ANKRD30BL: variants seen among roughly 807,000 people sequenced by gnomAD.
ANKRD30BL encodes the protein putative ankyrin repeat domain-containing protein 30B-like.
In ANKRD30BL, 20 loss-of-function variants were observed where a neutral mutation model predicts 18.4. The ratio of observed to expected loss-of-function variants is 1.09; its 90% CI spans 0.77 to 1.58. The LOEUF is 1.58. ANKRD30BL is among the 40% of genes most tolerant of loss of function. The pLI is 0.00. For missense variants in ANKRD30BL, 224 were observed against 268.6 expected (o/e 0.83, Z 1.16); for synonymous variants, 72 against 100.9 (o/e 0.71, Z 1.72).
At chr2:132,222,679 C>T (rs1267257925) in intron 1 of ANKRD30BL, among the ~76,000 whole-genome samples, 2 of 151,656 alleles carry the variant, frequency 1.3e-5, no homozygotes, top group Non-Finnish European at 2.9e-5. Context: ...ATCTTAAGTA[C>T]CCAGGGACAC....
At chr2:132,255,668 G>T in intron 1 of ANKRD30BL, among the ~76,000 whole-genome samples, 1 of 152,086 alleles carries the variant, frequency 6.6e-6, no homozygotes, top group East Asian at 1.9e-4. Flanking sequence ...GTCCTGTATT[G>T]TTATTTTTCG....
rs1163750064 is a variant in ANKRD30BL at position 132,221,544 on chromosome 2, TG to T, written n.441+35984del. 1.0e-3 allele frequency among the ~76,000 whole-genome samples: 91 copies of T among 90,502 alleles called. 1 individual carries two copies. The highest frequency in any genetic ancestry group is 1.7e-3 in the Non-Finnish European group (78 of 46,356). The allele number at this position is 90,502 out of a possible 152,430, so 59.4% of individuals were successfully genotyped here. A position where few individuals can be genotyped will look rare whatever the true frequency, so the allele number is the denominator to read the frequency against. On this transcript the variant is annotated intron_variant and non_coding_transcript_variant, in intron 1 of 4. Coordinates refer to the ANKRD30BL transcript ENST00000470729. ...CCAGCCACCCCGTCCGGGAGGGAGG[TG>T]GGGGGGTCAGCCCCCCGCCCGGCCA...
intron 1 of ANKRD30BL, among the ~76,000 whole-genome samples, chr2:132,174,053 G>A (rs943010477): frequency 9.2e-5 from 14 of 152,144 alleles, no homozygotes; most frequent in Non-Finnish European, 1.8e-4. Flanking sequence ...CTCTCCCAAC[G>A]AACATAACTA....
intron 1 of ANKRD30BL, among the ~76,000 whole-genome samples, chr2:132,183,289 G>A (rs1364281463): frequency 1.3e-5 from 2 of 151,944 alleles, no homozygotes; most frequent in Non-Finnish European, 2.9e-5. Flanking sequence ...GTGCCATCAT[G>A]CCCAGCTAAT....
chr2:132,181,581 A>G (rs1284045193), intron 1 of ANKRD30BL, among the ~76,000 whole-genome samples: 6 of 152,232 alleles, frequency 3.9e-5, no homozygotes, highest in African/African-American at 1.4e-4. Flanking sequence ...TATAAGAGAC[A>G]AAGTCAAAAG....
At chr2:132,160,401 C>CAT (rs1553469820) in intron 1 of ANKRD30BL, among the ~76,000 whole-genome samples, 5 of 97,574 alleles carry the variant, frequency 5.1e-5, no homozygotes, top group African/African-American at 2.2e-4. Context: ...ACGCCTGGCC[C>CAT]TTTTTTTTTT....
At chr2:132,198,616 C>A (rs1167095071) in intron 1 of ANKRD30BL, among the ~76,000 whole-genome samples, 1 of 151,094 alleles carries the variant, frequency 6.6e-6, no homozygotes, top group African/African-American at 2.4e-5. Flanking sequence ...AGCCACAGCG[C>A]CCAGCCTTTT....
At chr2:132,234,560 T>A (rs1680102864) in intron 1 of ANKRD30BL, among the ~76,000 whole-genome samples, 1 of 152,058 alleles carries the variant, frequency 6.6e-6, no homozygotes, top group African/African-American at 2.4e-5. Flanking sequence ...TACAAACACC[T>A]CTATGCAAAT....
At chr2:132,174,090 C>T (rs1259627416) in intron 1 of ANKRD30BL, among the ~76,000 whole-genome samples, 2 of 152,206 alleles carry the variant, frequency 1.3e-5, no homozygotes, top group African/African-American at 2.4e-5. Context: ...TGAGACTTCT[C>T]TAAAGGGGCC....
At chr2:132,156,836 G>C in intron 3 of ANKRD30BL, 137 bp downstream of exon 3, 1 of 421,656 alleles carries the variant, frequency 2.4e-6, no homozygotes. Context: ...CAAAATCCTA[G>C]ACAATTAAGT....
chr2:132,218,772 T>C (rs1236441152), intron 1 of ANKRD30BL, among the ~76,000 whole-genome samples: 1 of 151,982 alleles, frequency 6.6e-6, no homozygotes, highest in Non-Finnish European at 1.5e-5. Context: ...TTTTGAACGC[T>C]TTCAGGCCTT....
intron 1 of ANKRD30BL, among the ~76,000 whole-genome samples, chr2:132,160,058 T>C (rs1292836539): frequency 6.6e-6 from 1 of 152,204 alleles, no homozygotes; most frequent in Non-Finnish European, 1.5e-5. Flanking sequence ...TTCTACTCTG[T>C]TGTATTCATT....
chr2:132,228,738 G>A (rs1679915291), intron 1 of ANKRD30BL, among the ~76,000 whole-genome samples: 2 of 144,700 alleles, frequency 1.4e-5, no homozygotes, highest in African/African-American at 2.9e-5. Context: ...CATTTGGAGT[G>A]CTTTGTGGCC....
At chr2:132,203,697 A>G (rs1349155936) in intron 1 of ANKRD30BL, among the ~76,000 whole-genome samples, 9 of 152,004 alleles carry the variant, frequency 5.9e-5, no homozygotes, top group Admixed American at 3.9e-4. Flanking sequence ...TCATTATTTT[A>G]ATTAGATATA....
chr2:132,236,852 A>G, intron 1 of ANKRD30BL, among the ~76,000 whole-genome samples: 1 of 151,870 alleles, frequency 6.6e-6, no homozygotes, highest in African/African-American at 2.4e-5. Flanking sequence ...ACTATTCACA[A>G]TAGCAAAGAC....
chr2:132,248,649 A>G lies in ANKRD30BL; in HGVS notation n.441+8880T>C, dbSNP rs544099739. Among the ~76,000 whole-genome samples the G allele has an allele frequency of 2.7e-3, 406 of 152,252 alleles. 4 individuals carry two copies. Among genetic ancestry groups the G allele is most frequent in the African/African-American group, 9.2e-3 (381 of 41,564 alleles). ...TCACCACAGACCTCAAGCCGCTCAC[A>G]AATATCCCTTTGCAGATTTTACAAG... On this transcript the variant is annotated intron_variant and non_coding_transcript_variant, in intron 1 of 4. Coordinates refer to the ANKRD30BL transcript ENST00000470729.
intron 1 of ANKRD30BL, among the ~76,000 whole-genome samples, chr2:132,227,810 A>C (rs1239322719): frequency 2.0e-5 from 3 of 152,124 alleles, no homozygotes; most frequent in Non-Finnish European, 4.4e-5. Context: ...TTGATTCAGC[A>C]GTTTGGAAAC....
intron 1 of ANKRD30BL, among the ~76,000 whole-genome samples, chr2:132,177,478 G>T (rs1688384493): frequency 1.3e-5 from 2 of 152,098 alleles, no homozygotes; most frequent in South Asian, 4.1e-4. Flanking sequence ...AAGATTAAAG[G>T]TTTATCTGAA....
chr2:132,225,118 C>T lies in ANKRD30BL; in HGVS notation n.441+32411G>A, dbSNP rs201894558. Reference sequence around the variant, plus strand: ...AGAATCTGCAAGTGGATATTTGGACCGCTTTGAGGCCTTCGTTGGAAACGG... The same window carrying T: ...AGAATCTGCAAGTGGATATTTGGACTGCTTTGAGGCCTTCGTTGGAAACGG... On this transcript the variant is annotated intron_variant and non_coding_transcript_variant, in intron 1 of 4. Transcript: ENST00000470729. Among the ~76,000 whole-genome samples, 12 of 149,608 alleles carry T rather than the reference C, an allele frequency of 8.0e-5. 1 individual carries two copies. Among genetic ancestry groups the T allele is most frequent in the Admixed American group, 2.7e-4 (4 of 15,000 alleles).
Sources: allele counts gnomAD v4.1 joint callset (sites outside exome capture counted in the v4.1 genomes callset), GRCh38; gene constraint gnomAD v4.1.1; transcripts MANE v1.5; gene names NCBI Gene and HGNC (gene_info 2026-07-23, HGNC 2026-07-21).